Variants in ZFHX3 observed in about 807,000 individuals in gnomAD.
The protein encoded by ZFHX3 is zinc finger homeobox protein 3.
In ZFHX3, 42 loss-of-function variants were observed where a neutral mutation model predicts 279.1. That is an observed-to-expected ratio of 0.15 (90% CI 0.12 to 0.19). ZFHX3 has a LOEUF of 0.19. ZFHX3 is among the 10% of genes least tolerant of loss of function. The probability of loss-of-function intolerance (pLI) is 1.00; values close to 1 mark genes in which losing one functional copy is unlikely to be tolerated. For missense variants in ZFHX3, 4,981 were observed against 4,754.0 expected (o/e 1.05, Z -1.40); for synonymous variants, 2,293 against 1,957.8 (o/e 1.17, Z -4.52).
At chr16:73,542,169 C>T (rs1218361834) in intron 2 of ZFHX3, among the ~76,000 whole-genome samples, 1 of 151,984 alleles carries the variant, frequency 6.6e-6, no homozygotes, top group Non-Finnish European at 1.5e-5. Flanking sequence ...ATCCCTTGCA[C>T]GAATGCAGAA....
intron 1 of ZFHX3, among the ~76,000 whole-genome samples, chr16:73,777,550 T>A (rs970328978): frequency 2.7e-5 from 4 of 147,750 alleles, no homozygotes; most frequent in Non-Finnish European, 6.0e-5. Flanking sequence ...TAAATCTAAT[T>A]TAACAGAATT....
Position 72,957,840 on chromosome 16 carries a change from G to T in ZFHX3, c.2306C>A (p.Thr769Asn), listed in dbSNP as rs775561915. The change falls in exon 2 of 10, where the codon ACT (threonine) becomes AAT (asparagine). Residue 769 changes from threonine to asparagine, a missense_variant. Thr to Asn is a moderately conservative substitution (Grantham distance 65). This residue lies in a region of ZFHX3 where 1,751 missense variants were observed against 1,770.0 expected (regional missense o/e 0.99). Coordinates refer to ENST00000268489, the MANE Select transcript of ZFHX3 (RefSeq NM_006885.4). ...NGGGEQVFSH[T>N]AGAAAAAVAA... ...CACCGCCGCCGCCGCCGCCCCGGCA[G>T]TGTGGCTGAAGACCTGCTCCCCCCC... 1.9e-6 allele frequency: 3 copies of T among 1,613,148 alleles called. No homozygotes were observed. Among genetic ancestry groups the T allele is most frequent in the Admixed American group, 3.3e-5 (2 of 59,970 alleles).
At chr16:72,943,693 G>A (rs757157125) in intron 3 of ZFHX3, among the ~76,000 whole-genome samples, 4 of 152,168 alleles carry the variant, frequency 2.6e-5, no homozygotes, top group African/African-American at 4.8e-5. Context: ...GAGTCTGGCC[G>A]TCACTTACTG....
intron 5 of ZFHX3, among the ~76,000 whole-genome samples, chr16:73,168,248 T>TTTCTTTCC: frequency 6.8e-6 from 1 of 147,860 alleles, no homozygotes; most frequent in Non-Finnish European, 1.5e-5. Context: ...TCTTTCTTTC[T>TTTCTTTCC]TTCTTTCTTT....
intron 5 of ZFHX3, among the ~76,000 whole-genome samples, chr16:72,815,434 G>T (rs2036578810): frequency 6.6e-6 from 1 of 150,746 alleles, no homozygotes; most frequent in Admixed American, 6.6e-5. Flanking sequence ...AGTTGTGCAA[G>T]TTCTCCATCA....
At chr16:73,535,699 C>G (rs1016361375) in intron 2 of ZFHX3, among the ~76,000 whole-genome samples, 1 of 151,008 alleles carries the variant, frequency 6.6e-6, no homozygotes, top group Non-Finnish European at 1.5e-5. Flanking sequence ...AGGGTTGGCC[C>G]TTGGGTTCTA....
chr16:73,579,192 T>C (rs1228491172), intron 2 of ZFHX3, among the ~76,000 whole-genome samples: 1 of 152,206 alleles, frequency 6.6e-6, no homozygotes, highest in Non-Finnish European at 1.5e-5. Flanking sequence ...AGAAAATCTC[T>C]GAGTCCACCT....
intron 2 of ZFHX3, among the ~76,000 whole-genome samples, chr16:73,629,958 A>T (rs1481194622): frequency 6.6e-6 from 1 of 152,226 alleles, no homozygotes; most frequent in Non-Finnish European, 1.5e-5. Flanking sequence ...AATGAAAATA[A>T]AAACCACAAC....
At position 73,695,792 on chromosome 16, in the gene ZFHX3, C is replaced by T. The variant is rs542591955; in HGVS notation, c.-1607-15552G>A. Among the ~76,000 whole-genome samples the T allele has an allele frequency of 6.6e-5, 10 of 152,298 alleles. No homozygotes were observed. The South Asian group carries it at 2.1e-3, about 32-fold the overall frequency. On this transcript the variant is annotated intron_variant, in intron 1 of 17. Transcript: ENST00000641206. ...CAGGTGCTCAGGAAGTGCCTGATCCCTCTTCCCTGTCTGACTCTAGGGTAC... is the reference window on the plus strand; with the variant it reads ...CAGGTGCTCAGGAAGTGCCTGATCCTTCTTCCCTGTCTGACTCTAGGGTAC...
intron 5 of ZFHX3, among the ~76,000 whole-genome samples, chr16:73,178,161 T>C (rs1377706757): frequency 1.3e-5 from 2 of 152,146 alleles, no homozygotes; most frequent in African/African-American, 2.4e-5. Flanking sequence ...CTTTTTCTTT[T>C]TTTTTTGAGA....
rs575082701 is a variant in ZFHX3, at chr16:72,931,139, C to G, written c.3216+19330G>C. ...TTGCCAAAACTCAGTCCTCCTAGTA[C>G]CCATTCAATTCACCATTCACATTAC... is the stretch of plus-strand genomic sequence containing the variant. On this transcript the variant is annotated intron_variant, in intron 3 of 9. Transcript: ENST00000268489. Among the ~76,000 whole-genome samples, 194 of 152,252 alleles carry G rather than the reference C, an allele frequency of 1.3e-3. 2 individuals carry two copies. The Middle Eastern group carries it at 0.02, about 16-fold the overall frequency.
chr16:73,405,744 G>T (rs66480043), intron 3 of ZFHX3, among the ~76,000 whole-genome samples: 42,462 of 151,470 alleles, frequency 0.28, 7,720 homozygotes, highest in East Asian at 0.56. Context: ...ATACCAGGCT[G>T]GAATGCCATG....
At chr16:73,402,191 C>T (rs1052821035) in intron 3 of ZFHX3, 7 of 152,146 alleles carry the variant, frequency 4.6e-5, no homozygotes, top group African/African-American at 1.4e-4. Flanking sequence ...TTTAACTTTT[C>T]CTACCTTTTC....
Position 72,793,434 on chromosome 16 carries a change from C to T in ZFHX3, c.9248G>A (p.Arg3083Gln), listed in dbSNP as rs763154720. 1.6e-5 allele frequency: 26 copies of T among 1,614,066 alleles called. No homozygotes were observed. Among genetic ancestry groups the T allele is most frequent in the Middle Eastern group, 1.6e-4 (1 of 6,084 alleles). Residue 3083 changes from arginine (R) to glutamine (Q), a missense_variant, in exon 9 of 10, where the codon CGG (arginine) becomes CAG (glutamine). Arg to Gln is a conservative substitution (Grantham distance 43). Transcript: ENST00000268489. The surrounding 1 kb of genome is among the most constrained non-coding windows in gnomAD (Gnocchi z 4.3). ...RQLMAQQELD[R>Q]IKKANEVLGL... The stretch of plus-strand genomic sequence containing the variant: ...AAGGACCTCGTTGGCCTTTTTAATC[C>T]GGTCCAACTCTTGTTGAGCCATCAA...
intron 1 of ZFHX3, among the ~76,000 whole-genome samples, chr16:73,794,612 A>C (rs919415106): frequency 5.9e-5 from 9 of 152,160 alleles, no homozygotes; most frequent in African/African-American, 2.2e-4. Context: ...AAATGACGCA[A>C]CTGAGGCCCT....
At chr16:73,179,514 A>G (rs528776228) in intron 5 of ZFHX3, among the ~76,000 whole-genome samples, 8 of 152,198 alleles carry the variant, frequency 5.3e-5, no homozygotes, top group African/African-American at 1.9e-4. Flanking sequence ...CAAATAAATA[A>G]GTGCATTAAT....
chr16:73,128,604 A>G (rs1341352218), intron 7 of ZFHX3, among the ~76,000 whole-genome samples: 1 of 152,212 alleles, frequency 6.6e-6, no homozygotes, highest in African/African-American at 2.4e-5. Context: ...GGAACAAATG[A>G]CACTGACTGA....
At chr16:72,863,081 A>C (rs2037924402) in intron 4 of ZFHX3, among the ~76,000 whole-genome samples, 2 of 152,176 alleles carry the variant, frequency 1.3e-5, no homozygotes, top group African/African-American at 4.8e-5. Context: ...CTGCCTCTAC[A>C]AAAATGAAAA....
intron 2 of ZFHX3, among the ~76,000 whole-genome samples, chr16:73,623,209 TG>T (rs1178549348): frequency 1.3e-5 from 2 of 152,076 alleles, no homozygotes; most frequent in African/African-American, 4.8e-5. Flanking sequence ...GCTAATTTTT[TG>T]TATTTTTAGT....
Sources: allele counts gnomAD v4.1 joint callset (sites outside exome capture counted in the v4.1 genomes callset), GRCh38; gene constraint gnomAD v4.1.1; regional missense constraint gnomAD v4.1.1; non-coding constraint Gnocchi (gnomAD v3.1); transcripts MANE v1.5; gene names NCBI Gene and HGNC (gene_info 2026-07-23, HGNC 2026-07-21).